Variants in AGAP9 observed in about 807,000 individuals in gnomAD.
AGAP9 encodes the protein ArfGAP with GTPase domain, ankyrin repeat and PH domain 9.
Under a neutral mutation model 55.6 loss-of-function variants are expected in AGAP9, and 23 were observed. The ratio of observed to expected loss-of-function variants is 0.41; its 90% CI spans 0.30 to 0.59. The LOEUF (loss-of-function observed/expected upper bound fraction) is 0.59, where lower values mean the gene tolerates loss of function less well. Among genes scored for constraint, AGAP9 ranks in the 20% least tolerant of loss-of-function variants. The probability of loss-of-function intolerance (pLI) is 0.25; values close to 1 mark genes in which losing one functional copy is unlikely to be tolerated. For synonymous variants in AGAP9, 120 were observed against 305.0 expected (o/e 0.39, Z 6.32); for missense variants, 309 against 808.1 (o/e 0.38, Z 7.49).
chr10:47,503,937 C>CAAAAAAAAAAAAA (rs1186798630), intron 7 of AGAP9, among the ~76,000 whole-genome samples: 2 of 23,442 alleles, frequency 8.5e-5, no homozygotes, highest in Non-Finnish European at 1.4e-4. Context: ...GAGAGTCCAT[C>CAAAAAAAAAAAAA]AAAAAAAAAA....
In AGAP9 at chr10:47,509,056, T is replaced by C. The variant is rs1391959261; in HGVS notation, c.497+1115A>G. 2.6e-3 allele frequency among the ~76,000 whole-genome samples: 351 copies of C among 135,540 alleles called. 38 individuals are homozygous for C. Among genetic ancestry groups the C allele is most frequent in the African/African-American group, 9.9e-3 (323 of 32,606 alleles). The allele number at this position is 135,540 out of a possible 152,430, so 88.9% of individuals were successfully genotyped here. A position where few individuals can be genotyped will look rare whatever the true frequency, so the allele number is the denominator to read the frequency against. On this transcript the variant is annotated intron_variant, in intron 5 of 7. Coordinates refer to ENST00000452145, the MANE Select transcript of AGAP9 (RefSeq NM_001190810.1). ...TACACCAAATGATTATTTCTCAAAC[T>C]TGCTGGTGGCAAATTAAAACTTACT...
Position 47,502,452 on chromosome 10 carries a change from C to A in AGAP9, c.1677G>T (p.Thr559=). Reference sequence around the variant, plus strand: ...GGATCCACCATTCCTTCTCTTCCCTCGTGGACTTTATTGAGGGTTTTGTCT... The same window carrying A: ...GGATCCACCATTCCTTCTCTTCCCTAGTGGACTTTATTGAGGGTTTTGTCT... ...QGQTKPSIKS[T]REEKEWWIRS... Residue 559 remains threonine, a synonymous_variant, in exon 8 of 8, where the codon ACG becomes ACT. Coordinates refer to ENST00000452145, the MANE Select transcript of AGAP9 (RefSeq NM_001190810.1). 6.2e-7 allele frequency: 1 copy of A among 1,612,532 alleles called. No homozygotes were observed. Among genetic ancestry groups the A allele is most frequent in the Non-Finnish European group, 8.5e-7 (1 of 1,179,920 alleles).
At chr10:47,509,041 GATT>G (rs1840543441) in intron 5 of AGAP9, among the ~76,000 whole-genome samples, 1 of 135,178 alleles carries the variant, frequency 7.4e-6, no homozygotes, top group African/African-American at 3.1e-5. Flanking sequence ...TACACCAAAT[GATT>G]ATTTCTCAAA....
Position 47,510,823 on chromosome 10 carries a change from C to T in AGAP9, c.397-552G>A. On this transcript the variant is annotated intron_variant, in intron 4 of 7. Coordinates refer to ENST00000452145, the MANE Select transcript of AGAP9 (RefSeq NM_001190810.1). ...CCAGGCCGGGAGACAAAGTGAGACT[C>T]CGTCTCAAAAAAAAAAAAAAAAAAA... Among the ~76,000 whole-genome samples, 2 of 87,996 alleles carry T rather than the reference C, an allele frequency of 2.3e-5. 1 individual carries two copies. Among genetic ancestry groups the T allele is most frequent in the South Asian group, 7.5e-4 (2 of 2,650 alleles). The allele number at this position is 87,996 out of a possible 152,430, so 57.7% of individuals were successfully genotyped here.
Position 47,503,190 on chromosome 10 carries a change from G to A in AGAP9, c.939C>T (p.Leu313=), listed in dbSNP as rs1310688882. The A allele has an allele frequency of 2.6e-4, 412 of 1,604,200 alleles. 1 individual carries two copies. Among genetic ancestry groups the A allele is most frequent in the Non-Finnish European group, 3.3e-4 (386 of 1,177,642 alleles). ...KYVTLCSNGV[L]TYYSSLGDYM... The stretch of plus-strand genomic sequence containing the variant: ...AATCACCTAAGCTTGAATAATAGGT[G>A]AGCACGCCATTGGAACACAGGGTGA... The change falls in exon 8 of 8, where the codon CTC becomes CTT. Residue 313 remains leucine (L), a synonymous_variant. Coordinates refer to ENST00000452145, the MANE Select transcript of AGAP9 (RefSeq NM_001190810.1).
chr10:47,510,405 T>C lies in AGAP9; in HGVS notation c.397-134A>G, dbSNP rs1230242751. ...TGAGTGTGGTATCATGTGCAATCTATAGAAAACCCATTGGAGGCTCTCAAC... is the reference window on the plus strand; with the variant it reads ...TGAGTGTGGTATCATGTGCAATCTACAGAAAACCCATTGGAGGCTCTCAAC... On this transcript the variant is annotated intron_variant, in intron 4 of 7. Coordinates refer to ENST00000452145, the MANE Select transcript of AGAP9 (RefSeq NM_001190810.1). 1.4e-5 allele frequency: 19 copies of C among 1,369,670 alleles called. 4 individuals are homozygous for C. The highest frequency in any genetic ancestry group is 1.8e-5 in the Non-Finnish European group (18 of 1,027,874). 84.8% of individuals were successfully genotyped at this position (1,369,670 alleles called of 1,614,324 possible). A position where few individuals can be genotyped will look rare whatever the true frequency, so the allele number is the denominator to read the frequency against.
At chr10:47,510,690 C>A (rs1233266689) in intron 4 of AGAP9, among the ~76,000 whole-genome samples, 1 of 118,952 alleles carries the variant, frequency 8.4e-6, no homozygotes, top group African/African-American at 3.6e-5. Flanking sequence ...ATTAGCCGGG[C>A]GTGGTAGCAG....
chr10:47,521,728 C>T (rs1386636213), intron 2 of AGAP9, among the ~76,000 whole-genome samples: 11 of 150,892 alleles, frequency 7.3e-5, no homozygotes, highest in South Asian at 6.3e-4. Context: ...TGTTTTCTAC[C>T]GGCTCCCATC....
At chr10:47,506,804 T>C (rs1393365390) in intron 6 of AGAP9, among the ~76,000 whole-genome samples, 1 of 142,690 alleles carries the variant, frequency 7.0e-6, no homozygotes. Flanking sequence ...CATGCCCAGC[T>C]AAGTTTTTGT....
chr10:47,516,638 A>C (rs1320637540), intron 4 of AGAP9, among the ~76,000 whole-genome samples: 1 of 138,076 alleles, frequency 7.2e-6, no homozygotes, highest in Non-Finnish European at 1.5e-5. Flanking sequence ...AAAAGCAGAC[A>C]TTGAGCATAT....
At chr10:47,521,767 A>T (rs1347599651) in intron 2 of AGAP9, among the ~76,000 whole-genome samples, 2 of 151,370 alleles carry the variant, frequency 1.3e-5, no homozygotes, top group African/African-American at 4.9e-5. Context: ...TGTAGAGACT[A>T]AAAAACTCCA....
At chr10:47,522,036 C>A (rs1330445314) in intron 2 of AGAP9, among the ~76,000 whole-genome samples, 3 of 150,814 alleles carry the variant, frequency 2.0e-5, no homozygotes, top group Non-Finnish European at 4.4e-5. Flanking sequence ...ATCCGCCTGC[C>A]ACAGCCTCCC....
intron 4 of AGAP9, among the ~76,000 whole-genome samples, chr10:47,517,268 CTTTTTTTTTTT>C (rs71255908): frequency 1.2e-5 from 1 of 86,932 alleles, no homozygotes; most frequent in Non-Finnish European, 2.2e-5. Context: ...ATTTAAGGCA[CTTTTTTTTTTT>C]TTTTTTTTTT....
rs1355035011 is a variant in AGAP9, at chr10:47,511,029, C to T, written c.397-758G>A. Among the ~76,000 whole-genome samples, 45 of 126,584 alleles carry T rather than the reference C, an allele frequency of 3.6e-4. 4 individuals are homozygous for T. Among genetic ancestry groups the T allele is most frequent in the Non-Finnish European group, 1.3e-4 (8 of 61,996 alleles). The allele number at this position is 126,584 out of a possible 152,430, so 83.0% of individuals were successfully genotyped here. A position where few individuals can be genotyped will look rare whatever the true frequency, so the allele number is the denominator to read the frequency against. Reference sequence around the variant, plus strand: ...CGCGATCTCGGCTCACTGCAAGCTCCGCCTCCCGGGTTCACGCCATTCTCC... The same window carrying T: ...CGCGATCTCGGCTCACTGCAAGCTCTGCCTCCCGGGTTCACGCCATTCTCC... On this transcript the variant is annotated intron_variant, in intron 4 of 7. Coordinates refer to ENST00000452145, the MANE Select transcript of AGAP9 (RefSeq NM_001190810.1).
At chr10:47,521,599 A>T (rs1442083592) in intron 2 of AGAP9, among the ~76,000 whole-genome samples, 1 of 143,970 alleles carries the variant, frequency 6.9e-6, no homozygotes, top group African/African-American at 2.6e-5. Context: ...TTTATGATGC[A>T]ATGTTTTCTA....
intron 6 of AGAP9, among the ~76,000 whole-genome samples, chr10:47,504,750 T>C (rs2132474386): frequency 7.2e-6 from 1 of 138,628 alleles, no homozygotes; most frequent in African/African-American, 2.7e-5. Context: ...TAATGCATTG[T>C]GCCTGTGTAT....
chr10:47,504,846 CTTTTTTT>C (rs59529030), intron 6 of AGAP9, among the ~76,000 whole-genome samples: 32 of 46,698 alleles, frequency 6.9e-4, no homozygotes, highest in Admixed American at 1.2e-3. Context: ...CATAACTGTT[CTTTTTTT>C]TTTTTTTTTT....
chr10:47,521,507 G>A (rs1370698094), intron 2 of AGAP9, among the ~76,000 whole-genome samples: 2 of 140,260 alleles, frequency 1.4e-5, no homozygotes, highest in East Asian at 5.6e-4. Context: ...AGTTTAAATA[G>A]AAGAGCTATA....
rs1254364796 is a variant in AGAP9 at position 47,505,516 on chromosome 10, G to A, written c.534-1276C>T. Among the ~76,000 whole-genome samples, 17 of 138,126 alleles carry A rather than the reference G, an allele frequency of 1.2e-4. 2 individuals carry two copies. The highest frequency in any genetic ancestry group is 9.1e-4 in the Admixed American group (12 of 13,212). 90.6% of individuals were successfully genotyped at this position (138,126 alleles called of 152,430 possible). On this transcript the variant is annotated intron_variant, in intron 6 of 7. Transcript: ENST00000452145. ...CTTTTTTTTTGTTTTTAAAGAATCC[G>A]TGATTTAACTGTGAACTGAAAAATC...
Sources: allele counts gnomAD v4.1 joint callset (sites outside exome capture counted in the v4.1 genomes callset), GRCh38; gene constraint gnomAD v4.1.1; transcripts MANE v1.5; gene names NCBI Gene and HGNC (gene_info 2026-07-23, HGNC 2026-07-21).